The following ABCB8 variants were observed in gnomAD, a reference collection of about 807,000 sequenced individuals.
ABCB8 encodes ATP binding cassette subfamily B member 8, also known as mitochondrial potassium channel ATP-binding subunit.
ABCB8 carries 52 observed loss-of-function variants against 73.0 expected under a neutral mutation model. That is an observed-to-expected ratio of 0.71 (90% CI 0.57 to 0.90). The LOEUF (loss-of-function observed/expected upper bound fraction) is 0.90, where lower values mean the gene tolerates loss of function less well. ABCB8 is among the 40% of genes least tolerant of loss of function. ABCB8 has a pLI of 0.00. For missense variants in ABCB8, 909 were observed against 974.6 expected (o/e 0.93, Z 0.90); for synonymous variants, 428 against 423.5 (o/e 1.01, Z -0.13).
chr7:151,045,307 C>CA lies in ABCB8; in HGVS notation c.2120dup (p.Pro708AlafsTer17). 6.3e-7 allele frequency: 1 copy of CA among 1,598,362 alleles called. No individual in the cohort carries two copies. On this transcript the variant is annotated frameshift_variant, in exon 16 of 16. Coordinates refer to ENST00000358849, the MANE Select transcript of ABCB8 (RefSeq NM_007188.5). LOFTEE classifies it low-confidence loss of function (END_TRUNC). The stretch of plus-strand genomic sequence containing the variant: ...CCCCGAGGACAGCGGCCCCACCGCC[C>CA]AAAAAGCCAGAAGGCCCCAGGAGCC...
At chr7:151,036,798 G>C (rs1170257253) in intron 9 of ABCB8, 149 bp downstream of exon 9, 2 of 785,534 alleles carry the variant, frequency 2.5e-6, no homozygotes, top group Admixed American at 1.8e-5. Context: ...GCATAGGGTG[G>C]GGAGAGAGAG....
rs117594096 is a variant in ABCB8, at chr7:151,029,427, G to A, written c.95+817G>A. 6.1e-3 allele frequency among the ~76,000 whole-genome samples: 920 copies of A among 151,994 alleles called. 4 individuals carry two copies. The highest frequency in any genetic ancestry group is 0.014 in the Middle Eastern group (4 of 294). Reference sequence around the variant, plus strand: ...CAGATGGGAAACAAACAAGGACCCTGAAACTACAACTCGAATGTAAATGCT... The same window carrying A: ...CAGATGGGAAACAAACAAGGACCCTAAAACTACAACTCGAATGTAAATGCT... On this transcript the variant is annotated intron_variant, in intron 1 of 15. Transcript: ENST00000358849.
Position 151,045,265 on chromosome 7 carries a change from G to T in ABCB8, c.2073G>T (p.Arg691=). 6.2e-7 allele frequency: 1 copy of T among 1,605,346 alleles called. No homozygotes were observed. Among genetic ancestry groups the T allele is most frequent in the South Asian group, 1.1e-5 (1 of 89,900 alleles). The change falls in exon 16 of 16, where the codon CGG becomes CGT. Residue 691 remains arginine, a synonymous_variant. Coordinates refer to ENST00000358849, the MANE Select transcript of ABCB8 (RefSeq NM_007188.5). ...KKGGLYAELI[R]RQALDAPRTA... ...GCGGGCTATACGCCGAGCTCATCCG[G>T]AGGCAGGCCCTGGATGCCCCGAGGA...
In ABCB8 at chr7:151,041,093, C is replaced by T. The variant is rs56221441; in HGVS notation, c.1484-6C>T. ...GGCCTCCCTCCCTCTCAACCCAATT[C>T]CCCAGGAAAGACCACCGTGGCTTCC... On this transcript the variant is annotated splice_polypyrimidine_tract_variant and splice_region_variant and intron_variant, in intron 12 of 15. Transcript: ENST00000358849. The T allele has an allele frequency of 6.5e-3, 10,518 of 1,613,652 alleles. 49 individuals are homozygous for T. Among genetic ancestry groups the T allele is most frequent in the Non-Finnish European group, 8.2e-3 (9,664 of 1,179,968 alleles).
rs1377476548 is a variant in ABCB8 at position 151,028,547 on chromosome 7, G to T, written c.32G>T (p.Arg11Leu). The T allele has an allele frequency of 6.2e-7, 1 of 1,613,818 alleles. No individual in the cohort carries two copies. Among genetic ancestry groups the T allele is most frequent in the African/African-American group, 1.3e-5 (1 of 74,920 alleles). Residue 11 changes from arginine to leucine, a missense_variant, in exon 1 of 16, where the codon CGG (arginine) becomes CTG (leucine). Physicochemically the swap from Arg to Leu is moderately radical, Grantham distance 102. Coordinates refer to ENST00000358849, the MANE Select transcript of ABCB8 (RefSeq NM_007188.5). ...GTGCATTTATTTCGGGTCGGGATTC[G>T]GGGTGGCCCATTCCCAGGCAGGCTG... MLVHLFRVGI[R>L]GGPFPGRLLP...
At position 151,040,522 on chromosome 7, in the gene ABCB8, G is replaced by C; in HGVS notation, c.1276G>C (p.Ala426Pro). 1 of 1,612,872 alleles carries C rather than the reference G, an allele frequency of 6.2e-7. No individual in the cohort carries two copies. Among genetic ancestry groups the C allele is most frequent in the Non-Finnish European group, 8.5e-7 (1 of 1,179,462 alleles). The change falls in exon 11 of 16, where the codon GCC becomes CCC. Residue 426 changes from alanine to proline, a missense_variant. Physicochemically the swap from Ala to Pro is conservative, Grantham distance 27. Transcript: ENST00000358849. Reference protein sequence around the residue: ...GQVVRGLSAGARVFEYMALNP... With the variant: ...GQVVRGLSAGPRVFEYMALNP... Reference sequence around the variant, plus strand: ...GGTGGTCCGGGGGCTGAGTGCAGGTGCCCGGGTCTTTGAGTACATGGCCCT... The same window carrying C: ...GGTGGTCCGGGGGCTGAGTGCAGGTCCCCGGGTCTTTGAGTACATGGCCCT...
At chr7:151,032,357 A>G (rs959437484) in intron 1 of ABCB8, among the ~76,000 whole-genome samples, 1 of 152,180 alleles carries the variant, frequency 6.6e-6, no homozygotes, top group African/African-American at 2.4e-5. Flanking sequence ...GCTGTCATGT[A>G]ACTCCATAAC....
In ABCB8 at chr7:151,045,257, C is replaced by T; in HGVS notation, c.2065C>T (p.Leu689Phe). The T allele has an allele frequency of 6.2e-7, 1 of 1,604,530 alleles. No homozygotes were observed. The highest frequency in any genetic ancestry group is 8.5e-7 in the Non-Finnish European group (1 of 1,175,086). The change falls in exon 16 of 16, where the codon CTC (leucine) becomes TTC (phenylalanine). Residue 689 changes from leucine (L) to phenylalanine (F), a missense_variant. Coordinates refer to ENST00000358849, the MANE Select transcript of ABCB8 (RefSeq NM_007188.5). Reference sequence around the variant, plus strand: ...GAAGAAAGGCGGGCTATACGCCGAGCTCATCCGGAGGCAGGCCCTGGATGC... The same window carrying T: ...GAAGAAAGGCGGGCTATACGCCGAGTTCATCCGGAGGCAGGCCCTGGATGC... Reference protein sequence around the residue: ...LLKKGGLYAELIRRQALDAPR... With the variant: ...LLKKGGLYAEFIRRQALDAPR...
At position 151,044,120 on chromosome 7, in the gene ABCB8, C is replaced by T. The variant is rs148536036; in HGVS notation, c.1915C>T (p.Arg639Trp). The T allele has an allele frequency of 1.3e-5, 21 of 1,613,810 alleles. No individual in the cohort carries two copies. The African/African-American group carries it at 1.5e-4, about 11-fold the overall frequency. ...GCGGGTTGTACAGGAGGCCCTGGAC[C>T]GGGCCAGTGCAGGCCGCACGGTGCT... ...SERVVQEALD[R>W]ASAGRTVLVI... The change falls in exon 15 of 16, where the codon CGG becomes TGG. Residue 639 changes from arginine (R) to tryptophan (W), a missense_variant. Arg to Trp is a moderately radical substitution (Grantham distance 101). Coordinates refer to ENST00000358849, the MANE Select transcript of ABCB8 (RefSeq NM_007188.5).
chr7:151,033,274 C>A, intron 1 of ABCB8: 1 of 540,320 alleles, frequency 1.9e-6, no homozygotes, highest in Non-Finnish European at 3.0e-6. Flanking sequence ...ATCTAACGTG[C>A]CATCCAGTTC....
In ABCB8 at chr7:151,040,613, C is replaced by G. The variant is rs772519857; in HGVS notation, c.1367C>G (p.Thr456Arg). ...AAAGAGCAGCTGCGTGGCTCCGTTA[C>G]ATTTCAGAACGTCTGCTTCAGGTCA... ...VPKEQLRGSV[T>R]FQNVCFSYPC... Residue 456 changes from threonine to arginine, a missense_variant, in exon 11 of 16, where the codon ACA becomes AGA. Coordinates refer to ENST00000358849, the MANE Select transcript of ABCB8 (RefSeq NM_007188.5). 6.2e-7 allele frequency: 1 copy of G among 1,612,792 alleles called. No homozygotes were observed. Among genetic ancestry groups the G allele is most frequent in the East Asian group, 2.2e-5 (1 of 44,886 alleles).
rs933596466 is a variant in ABCB8 at position 151,047,216 on chromosome 7, C to A, written c.*1867C>A. ...TTCTTTAAATCCAGCCCTTCACCCG[C>A]CCCCTAGAGAAGCAGTGAAACCCCT... On this transcript the variant is annotated 3_prime_UTR_variant, in exon 16 of 16. Transcript: ENST00000358849. 4 of 152,256 alleles carry A rather than the reference C, an allele frequency of 2.6e-5. No homozygotes were observed. The highest frequency in any genetic ancestry group is 4.4e-5 in the Non-Finnish European group (3 of 68,052). The allele number at this position is 152,256 out of a possible 1,614,324, so 9.4% of individuals were successfully genotyped here. A position where few individuals can be genotyped will look rare whatever the true frequency, so the allele number is the denominator to read the frequency against.
intron 1 of ABCB8, 122 bp downstream of exon 1, chr7:151,028,732 A>T: frequency 6.5e-7 from 1 of 1,539,666 alleles, no homozygotes. Flanking sequence ...GGCCAGGCCT[A>T]CCGGGGTGGA....
intron 1 of ABCB8, chr7:151,033,085 C>T (rs925566186): frequency 2.2e-6 from 1 of 456,912 alleles, no homozygotes; most frequent in Admixed American, 2.3e-5. Context: ...CACCTCCCTC[C>T]CAGGGAGGTG....
chr7:151,033,317 G>A (rs966781273), intron 1 of ABCB8: 7 of 900,512 alleles, frequency 7.8e-6, no homozygotes, highest in African/African-American at 6.8e-5. Context: ...GCCTGGAGTC[G>A]AGGCTGCGAG....
chr7:151,044,582 C>CAA (rs879730874), intron 15 of ABCB8, among the ~76,000 whole-genome samples: 1 of 145,908 alleles, frequency 6.9e-6, no homozygotes, highest in African/African-American at 2.5e-5. Flanking sequence ...TACAAAATAC[C>CAA]AAAAAAAAAA....
intron 9 of ABCB8, chr7:151,037,859 A>G (rs1232880613): frequency 1.2e-5 from 2 of 166,770 alleles, no homozygotes; most frequent in African/African-American, 4.8e-5. Context: ...CGTTCCTCCC[A>G]TTTCCGCAGC....
At chr7:151,028,929 A>T in intron 1 of ABCB8, 4 of 1,369,562 alleles carry the variant, frequency 2.9e-6, no homozygotes, top group Non-Finnish European at 3.8e-6. Context: ...CGCGATTTGG[A>T]CGAAAATTCT....
intron 5 of ABCB8, among the ~76,000 whole-genome samples, chr7:151,035,224 C>T (rs377014586): frequency 1.3e-4 from 20 of 152,308 alleles, no homozygotes; most frequent in East Asian, 7.7e-4. Flanking sequence ...CCGCCCACAC[C>T]GACTCTGACT....
Sources: gnomAD v4.1 joint callset for allele counts (sites outside exome capture counted in the v4.1 genomes callset) on GRCh38, gnomAD v4.1.1 for gene constraint, MANE v1.5 for transcripts, NCBI Gene and HGNC (gene_info 2026-07-23, HGNC 2026-07-21) for gene names.